Variants in GRIA4 observed in about 807,000 individuals in gnomAD.
The protein encoded by GRIA4 is glutamate receptor 4.
GRIA4 carries 34 observed loss-of-function variants against 104.0 expected under a neutral mutation model. That is an observed-to-expected ratio of 0.33 (90% CI 0.25 to 0.44). The LOEUF is 0.44. Among genes scored for constraint, GRIA4 ranks in the 20% least tolerant of loss-of-function variants. The pLI is 1.00. For synonymous variants in GRIA4, 386 were observed against 381.9 expected (o/e 1.01, Z -0.13); for missense variants, 750 against 1,096.5 (o/e 0.68, Z 4.46).
chr11:105,968,060 G>A (rs988516205), intron 14 of GRIA4, among the ~76,000 whole-genome samples: 13 of 152,198 alleles, frequency 8.5e-5, no homozygotes, highest in African/African-American at 2.4e-5. Context: ...GACCAATGCT[G>A]CCAATTCAGT....
Position 105,610,953 on chromosome 11 carries a change from C to T in GRIA4, c.-45C>T, listed in dbSNP as rs775464563. 2 of 1,192,584 alleles carry T rather than the reference C, an allele frequency of 1.7e-6. No individual in the cohort carries two copies. The highest frequency in any genetic ancestry group is 2.5e-6 in the Non-Finnish European group (2 of 808,196). The allele number at this position is 1,192,584 out of a possible 1,614,324, so 73.9% of individuals were successfully genotyped here. A position where few individuals can be genotyped will look rare whatever the true frequency, so the allele number is the denominator to read the frequency against. On this transcript the variant is annotated 5_prime_UTR_variant, in exon 2 of 17. Transcript: ENST00000282499. Reference sequence around the variant, plus strand: ...CTCTGAACAGCCTTTAGGAAGAGTGCGAGAGAAAGAGAGAGAGCGCGCGCC... The same window carrying T: ...CTCTGAACAGCCTTTAGGAAGAGTGTGAGAGAAAGAGAGAGAGCGCGCGCC...
At position 105,808,195 on chromosome 11, in the gene GRIA4, GT is replaced by G. The variant is rs548461680; in HGVS notation, c.488-53825del. On this transcript the variant is annotated intron_variant, in intron 4 of 16. Coordinates refer to ENST00000282499, the MANE Select transcript of GRIA4 (RefSeq NM_000829.4). ...CCATGAGATGGATTTGTTGATCTTT[GT>G]TTTGGGGCTCAATTAATTTTGAAGG... Among the ~76,000 whole-genome samples the G allele has an allele frequency of 6.5e-3, 988 of 151,926 alleles. 6 individuals carry two copies. Among genetic ancestry groups the G allele is most frequent in the Middle Eastern group, 0.017 (5 of 294 alleles).
intron 3 of GRIA4, among the ~76,000 whole-genome samples, chr11:105,748,524 G>A (rs1445168251): frequency 2.6e-5 from 4 of 151,876 alleles, no homozygotes; most frequent in Admixed American, 2.6e-4. Flanking sequence ...CTGGGATTAC[G>A]GGCATGTGCC....
chr11:105,915,716 A>G (rs1947380663), intron 10 of GRIA4, among the ~76,000 whole-genome samples: 1 of 152,196 alleles, frequency 6.6e-6, no homozygotes, highest in African/African-American at 2.4e-5. Context: ...GCAGAAATGC[A>G]TTTCTTTAAT....
chr11:105,659,258 A>C (rs1951936030), intron 3 of GRIA4, among the ~76,000 whole-genome samples: 1 of 151,962 alleles, frequency 6.6e-6, no homozygotes, highest in South Asian at 2.1e-4. Context: ...CTACAATGCC[A>C]AGTACTTACT....
At chr11:105,761,564 G>GTCAAC (rs762442209) in intron 4 of GRIA4, among the ~76,000 whole-genome samples, 3 of 152,198 alleles carry the variant, frequency 2.0e-5, no homozygotes, top group Non-Finnish European at 2.9e-5. Flanking sequence ...AACTGCCTCT[G>GTCAAC]TCAACTCAAC....
At position 105,709,650 on chromosome 11, in the gene GRIA4, T is replaced by C. The variant is rs187824480; in HGVS notation, c.248-43331T>C. Among the ~76,000 whole-genome samples, 3 of 152,086 alleles carry C rather than the reference T, an allele frequency of 2.0e-5. No homozygotes were observed. In the South Asian group the frequency reaches 6.2e-4, roughly 32 times the overall value. On this transcript the variant is annotated intron_variant, in intron 3 of 16. Transcript: ENST00000282499. ...ACTGAGAAGGGTACAGCATCACTTC[T>C]GCGGTATTTCTGCCACATGCAAAAA...
In GRIA4 at chr11:105,749,102, GT is replaced by G. The variant is rs554866704; in HGVS notation, c.248-3877del. On this transcript the variant is annotated intron_variant, in intron 3 of 16. Coordinates refer to ENST00000282499, the MANE Select transcript of GRIA4 (RefSeq NM_000829.4). ...CTAAGAAACGCCAAGAGAGAGCATA[GT>G]TGTGGTGTTAGGAATGCAAGGCAAA... Among the ~76,000 whole-genome samples the G allele has an allele frequency of 8.6e-4, 131 of 152,324 alleles. 3 individuals are homozygous for G. In the South Asian group the frequency reaches 0.027, roughly 31 times the overall value.
At chr11:105,775,390 G>A (rs1941403815) in intron 4 of GRIA4, among the ~76,000 whole-genome samples, 2 of 152,078 alleles carry the variant, frequency 1.3e-5, no homozygotes, top group Admixed American at 6.6e-5. Context: ...TGTAAAATCT[G>A]AAGGCATGCT....
At chr11:105,682,549 T>G (rs137943954) in intron 3 of GRIA4, among the ~76,000 whole-genome samples, 113 of 152,290 alleles carry the variant, frequency 7.4e-4, no homozygotes, top group African/African-American at 2.6e-3. Context: ...CCAGTGAGAT[T>G]AAAGCAACTA....
chr11:105,777,555 C>G (rs1261033997), intron 4 of GRIA4, among the ~76,000 whole-genome samples: 1 of 152,092 alleles, frequency 6.6e-6, no homozygotes, highest in Non-Finnish European at 1.5e-5. Context: ...CATGACCATT[C>G]AAGAAAATCT....
chr11:105,762,978 G>A (rs560563612), intron 4 of GRIA4, among the ~76,000 whole-genome samples: 15 of 152,278 alleles, frequency 9.9e-5, no homozygotes, highest in African/African-American at 2.6e-4. Context: ...AATCAATGAC[G>A]GAGATGAGAT....
At chr11:105,800,035 A>C (rs1307862003) in intron 4 of GRIA4, among the ~76,000 whole-genome samples, 1 of 152,132 alleles carries the variant, frequency 6.6e-6, no homozygotes, top group African/African-American at 2.4e-5. Flanking sequence ...ATGATTACCC[A>C]TAAATTTTAA....
intron 4 of GRIA4, among the ~76,000 whole-genome samples, chr11:105,786,533 G>A (rs1441179623): frequency 2.0e-5 from 3 of 152,134 alleles, no homozygotes; most frequent in Admixed American, 1.3e-4. Flanking sequence ...AAATTTTCAT[G>A]TGTTGATGTT....
chr11:105,626,579 C>T (rs1950892393), intron 3 of GRIA4, among the ~76,000 whole-genome samples: 1 of 151,900 alleles, frequency 6.6e-6, no homozygotes, highest in African/African-American at 2.4e-5. Context: ...ATCATTTGAC[C>T]CCATGAATGT....
At chr11:105,965,149 A>C (rs573605970) in intron 14 of GRIA4, among the ~76,000 whole-genome samples, 1 of 152,062 alleles carries the variant, frequency 6.6e-6, no homozygotes, top group Middle Eastern at 3.4e-3. Flanking sequence ...AGCCAAAATA[A>C]GCTCCCCTAT....
intron 3 of GRIA4, among the ~76,000 whole-genome samples, chr11:105,637,395 T>C (rs563847227): frequency 1.3e-5 from 2 of 152,328 alleles, no homozygotes. Flanking sequence ...AGGAATAGTA[T>C]CACTGGATTT....
chr11:105,736,683 A>C (rs1032109513), intron 3 of GRIA4, among the ~76,000 whole-genome samples: 4 of 152,124 alleles, frequency 2.6e-5, no homozygotes, highest in African/African-American at 7.2e-5. Flanking sequence ...GCTACAAAAT[A>C]GATATAAATA....
Position 105,758,658 on chromosome 11 carries a change from A to T in GRIA4, c.487+5438A>T, listed in dbSNP as rs536163039. ...CAAATGTATACAAATGATAATGTAC[A>T]ATTAAGGTTGAAATACAGTATGAAA... On this transcript the variant is annotated intron_variant, in intron 4 of 16. Coordinates refer to ENST00000282499, the MANE Select transcript of GRIA4 (RefSeq NM_000829.4). Among the ~76,000 whole-genome samples the T allele has an allele frequency of 2.4e-3, 371 of 152,306 alleles. 2 individuals are homozygous for T. Among genetic ancestry groups the T allele is most frequent in the Non-Finnish European group, 3.1e-3 (214 of 68,016 alleles).
Sources: gnomAD v4.1 joint callset for allele counts (sites outside exome capture counted in the v4.1 genomes callset) on GRCh38, gnomAD v4.1.1 for gene constraint, MANE v1.5 for transcripts, NCBI Gene and HGNC (gene_info 2026-07-23, HGNC 2026-07-21) for gene names.